Variants in SNX29 observed in about 807,000 individuals in gnomAD.
SNX29 encodes sorting nexin 29.
In SNX29, 78 loss-of-function variants were observed where a neutral mutation model predicts 102.1. The ratio of observed to expected loss-of-function variants is 0.76; its 90% CI spans 0.64 to 0.92. The LOEUF (loss-of-function observed/expected upper bound fraction) is 0.92, where lower values mean the gene tolerates loss of function less well. Ranked by LOEUF, SNX29 falls within the 40% of genes least tolerant of loss-of-function variation. The pLI, the probability that SNX29 is intolerant of heterozygous loss-of-function variation, is 0.00. For synonymous variants in SNX29, 580 were observed against 414.5 expected (o/e 1.40, Z -4.85); for missense variants, 1,280 against 1,061.7 (o/e 1.21, Z -2.86).
chr16:12,063,733 C>A (rs562406774), intron 9 of SNX29, among the ~76,000 whole-genome samples: 1 of 151,904 alleles, frequency 6.6e-6, no homozygotes, highest in South Asian at 2.1e-4. Context: ...TGGCCCACAC[C>A]ATGCCTCAGT....
chr16:12,281,504 T>C (rs2079429132), intron 15 of SNX29, among the ~76,000 whole-genome samples: 1 of 152,170 alleles, frequency 6.6e-6, no homozygotes, highest in Non-Finnish European at 1.5e-5. Context: ...CTGTGGTTGT[T>C]AACTCAGGAA....
intron 15 of SNX29, among the ~76,000 whole-genome samples, chr16:12,291,335 A>G (rs993167564): frequency 1.3e-5 from 2 of 152,212 alleles, no homozygotes; most frequent in South Asian, 4.1e-4. Context: ...TGGTGGCAGC[A>G]AAGAGAAAGA....
intron 15 of SNX29, among the ~76,000 whole-genome samples, chr16:12,281,312 T>A (rs1416961477): frequency 1.3e-5 from 2 of 152,162 alleles, no homozygotes; most frequent in Non-Finnish European, 2.9e-5. Flanking sequence ...TCTAGGTGTC[T>A]TTGAGAGCAT....
intron 13 of SNX29, among the ~76,000 whole-genome samples, chr16:12,153,701 C>G (rs1029631943): frequency 1.9e-4 from 29 of 151,086 alleles, no homozygotes; most frequent in Non-Finnish European, 4.4e-5. Flanking sequence ...TGGTCTCGAA[C>G]TCATGGCCTG....
chr16:12,273,114 G>T (rs1223905947), intron 14 of SNX29, among the ~76,000 whole-genome samples: 1 of 152,174 alleles, frequency 6.6e-6, no homozygotes, highest in Non-Finnish European at 1.5e-5. Context: ...TTCATCCTCA[G>T]TGTGTTAATC....
intron 1 of SNX29, among the ~76,000 whole-genome samples, chr16:11,997,480 C>CTTTT (rs55693728): frequency 3.5e-5 from 5 of 144,162 alleles, no homozygotes; most frequent in African/African-American, 1.3e-4. Flanking sequence ...TACATTTATA[C>CTTTT]TTTTTTTTTT....
intron 19 of SNX29, among the ~76,000 whole-genome samples, chr16:12,496,750 A>G (rs1032506532): frequency 3.9e-5 from 6 of 151,998 alleles, no homozygotes; most frequent in Admixed American, 1.3e-4. Context: ...ACCTCAAGTG[A>G]TCCGCCCGCC....
intron 18 of SNX29, among the ~76,000 whole-genome samples, chr16:12,447,278 C>T (rs1358898734): frequency 6.6e-6 from 1 of 151,556 alleles, no homozygotes; most frequent in Non-Finnish European, 1.5e-5. Flanking sequence ...TGAAGAAGTC[C>T]CATCGGCTTA....
At chr16:12,277,855 G>C (rs772175264) in intron 14 of SNX29, 78 bp from the exon 15 acceptor site, 16 of 1,293,552 alleles carry the variant, frequency 1.2e-5, no homozygotes, top group Non-Finnish European at 1.7e-5. Context: ...TGAGAAAGAA[G>C]AATTTTTTCT....
intron 13 of SNX29, among the ~76,000 whole-genome samples, chr16:12,163,227 C>A (rs1330095067): frequency 6.6e-6 from 1 of 152,144 alleles, no homozygotes; most frequent in African/African-American, 2.4e-5. Flanking sequence ...TGCGGAGCCC[C>A]CAGGGTGAAT....
At chr16:12,465,961 A>G (rs755720665) in intron 18 of SNX29, among the ~76,000 whole-genome samples, 3 of 152,094 alleles carry the variant, frequency 2.0e-5, no homozygotes, top group Non-Finnish European at 4.4e-5. Flanking sequence ...TTTCATGATA[A>G]CCCCCCAATG....
At chr16:12,354,352 T>C (rs2082072464) in intron 15 of SNX29, among the ~76,000 whole-genome samples, 1 of 152,226 alleles carries the variant, frequency 6.6e-6, no homozygotes, top group Admixed American at 6.5e-5. Flanking sequence ...TTTCATTCCC[T>C]AGTGAAATGA....
chr16:12,517,833 T>C (rs1281298000), intron 19 of SNX29, among the ~76,000 whole-genome samples: 2 of 150,508 alleles, frequency 1.3e-5, no homozygotes, highest in Non-Finnish European at 3.0e-5. Flanking sequence ...TCCACTGGCA[T>C]GTCCCGAGAG....
chr16:12,424,702 C>T (rs140189923), intron 18 of SNX29, among the ~76,000 whole-genome samples: 98 of 152,208 alleles, frequency 6.4e-4, no homozygotes, highest in African/African-American at 2.3e-3. Context: ...CTTGTTGTTC[C>T]GAGTGGAGTT....
intron 18 of SNX29, among the ~76,000 whole-genome samples, chr16:12,423,571 T>TTTC (rs980380357): frequency 2.6e-5 from 4 of 152,080 alleles, no homozygotes; most frequent in African/African-American, 9.7e-5. Context: ...CATGCTTTTT[T>TTTC]TTCTTCTTCT....
At chr16:12,492,306 T>C (rs1053176235) in intron 19 of SNX29, among the ~76,000 whole-genome samples, 5 of 152,230 alleles carry the variant, frequency 3.3e-5, no homozygotes, top group Non-Finnish European at 5.9e-5. Flanking sequence ...TTTCATGTGT[T>C]TTTTGGCTGC....
At chr16:12,221,437 A>T (rs969229929) in intron 14 of SNX29, among the ~76,000 whole-genome samples, 1 of 152,188 alleles carries the variant, frequency 6.6e-6, no homozygotes, top group South Asian at 2.1e-4. Flanking sequence ...CATCATGGTA[A>T]AACCCCATCT....
chr16:12,153,099 A>G (rs2055369241), intron 13 of SNX29, among the ~76,000 whole-genome samples: 1 of 152,170 alleles, frequency 6.6e-6, no homozygotes, highest in Admixed American at 6.5e-5. Context: ...AGTCAAGGAT[A>G]ATAATTGTTT....
In SNX29 at chr16:12,573,650, C is replaced by CA. The variant is rs1347980336; in HGVS notation, c.*5022dup. 11 of 222,084 alleles carry CA rather than the reference C, an allele frequency of 5.0e-5. No homozygotes were observed. The highest frequency in any genetic ancestry group is 2.2e-4 in the African/African-American group (10 of 44,724). The allele number at this position is 222,084 out of a possible 1,614,324, so 13.8% of individuals were successfully genotyped here. Reference sequence around the variant, plus strand: ...ATGAACGGCAAGGGGAACCACCACTCATTCACTGTCAGTGTAGGTAAGACA... The same window carrying CA: ...ATGAACGGCAAGGGGAACCACCACTCAATTCACTGTCAGTGTAGGTAAGACA... On this transcript the variant is annotated 3_prime_UTR_variant, in exon 21 of 21. Transcript: ENST00000566228.
Sources: allele counts gnomAD v4.1 joint callset (sites outside exome capture counted in the v4.1 genomes callset), GRCh38; gene constraint gnomAD v4.1.1; transcripts MANE v1.5; gene names NCBI Gene and HGNC (gene_info 2026-07-23, HGNC 2026-07-21).